Variants in GRID1 observed in about 807,000 individuals in gnomAD.
The protein encoded by GRID1 is glutamate ionotropic receptor delta type subunit 1.
In GRID1, 28 loss-of-function variants were observed where a neutral mutation model predicts 98.0. The observed-to-expected ratio is 0.29, with a 90% CI of 0.21 to 0.39. The LOEUF (loss-of-function observed/expected upper bound fraction) is 0.39, where lower values mean the gene tolerates loss of function less well. Among genes scored for constraint, GRID1 ranks in the 10% least tolerant of loss-of-function variants. The pLI is 1.00. For synonymous variants in GRID1, 553 were observed against 538.5 expected (o/e 1.03, Z -0.37); for missense variants, 1,111 against 1,340.5 (o/e 0.83, Z 2.67).
chr10:85,842,952 AAAAAC>A (rs1842973672), intron 8 of GRID1, among the ~76,000 whole-genome samples: 1 of 151,206 alleles, frequency 6.6e-6, no homozygotes, highest in African/African-American at 2.4e-5. Context: ...AAACAAAAAC[AAAAAC>A]AAAACAAAAA....
At chr10:86,131,091 A>C (rs1333801026) in intron 4 of GRID1, among the ~76,000 whole-genome samples, 1 of 152,208 alleles carries the variant, frequency 6.6e-6, no homozygotes, top group African/African-American at 2.4e-5. Flanking sequence ...CCAGATGTGG[A>C]CTACATGGCA....
chr10:86,144,745 C>G (rs1281758087), intron 3 of GRID1, among the ~76,000 whole-genome samples: 1 of 152,174 alleles, frequency 6.6e-6, no homozygotes, highest in African/African-American at 2.4e-5. Flanking sequence ...CCTTCACACG[C>G]TCCCGGTCAC....
chr10:85,839,434 G>A (rs1842942824), intron 8 of GRID1, among the ~76,000 whole-genome samples: 1 of 152,010 alleles, frequency 6.6e-6, no homozygotes, highest in South Asian at 2.1e-4. Context: ...AATTATAACA[G>A]TCTCTCATAC....
intron 2 of GRID1, among the ~76,000 whole-genome samples, chr10:86,297,465 C>T (rs761023059): frequency 5.3e-5 from 8 of 151,858 alleles, no homozygotes; most frequent in African/African-American, 9.7e-5. Flanking sequence ...AGAAAATAAA[C>T]GGTGGAGAGA....
At chr10:85,837,774 C>T (rs113306221) in intron 8 of GRID1, among the ~76,000 whole-genome samples, 10 of 152,270 alleles carry the variant, frequency 6.6e-5, no homozygotes, top group South Asian at 2.1e-4. Flanking sequence ...ATGACCGCAT[C>T]ATCTCTCCAG....
intron 12 of GRID1, among the ~76,000 whole-genome samples, chr10:85,677,904 G>A (rs929862525): frequency 1.8e-4 from 27 of 152,152 alleles, no homozygotes; most frequent in African/African-American, 6.3e-4. Flanking sequence ...TTCATAGAGT[G>A]TATCTTGAGA....
intron 2 of GRID1, among the ~76,000 whole-genome samples, chr10:86,248,950 C>A (rs1421698607): frequency 5.3e-5 from 8 of 152,190 alleles, no homozygotes; most frequent in Admixed American, 1.3e-4. Flanking sequence ...CGTGCAGGAC[C>A]TAGGAAACAG....
chr10:85,875,725 G>A (rs544516277), intron 5 of GRID1, among the ~76,000 whole-genome samples: 45 of 152,124 alleles, frequency 3.0e-4, no homozygotes, highest in African/African-American at 1.1e-3. Context: ...CTTCTTTAAT[G>A]TTTACTTCCA....
At chr10:86,106,074 G>A (rs974112909) in intron 4 of GRID1, among the ~76,000 whole-genome samples, 3 of 152,208 alleles carry the variant, frequency 2.0e-5, no homozygotes, top group African/African-American at 7.2e-5. Flanking sequence ...GGGACCATGA[G>A]CTCCAGGGTC....
chr10:86,250,802 TG>T (rs1267553519), intron 2 of GRID1, among the ~76,000 whole-genome samples: 1 of 150,692 alleles, frequency 6.6e-6, no homozygotes, highest in Non-Finnish European at 1.5e-5. Context: ...GTCTGGGAGG[TG>T]GGGGGCCCCT....
chr10:85,785,141 C>T (rs1319937329), intron 8 of GRID1, among the ~76,000 whole-genome samples: 5 of 152,222 alleles, frequency 3.3e-5, no homozygotes, highest in African/African-American at 1.2e-4. Context: ...CCCTAGCAAT[C>T]AGGAACACTC....
chr10:85,787,822 G>T (rs985336878), intron 8 of GRID1, among the ~76,000 whole-genome samples: 2 of 152,058 alleles, frequency 1.3e-5, no homozygotes, highest in African/African-American at 4.8e-5. Context: ...ACAGCCAGGG[G>T]CCCCCACACC....
intron 2 of GRID1, among the ~76,000 whole-genome samples, chr10:86,336,039 T>C (rs1468779341): frequency 6.6e-6 from 1 of 152,162 alleles, no homozygotes; most frequent in Non-Finnish European, 1.5e-5. Flanking sequence ...AGGAGTCACA[T>C]GAACATCACA....
chr10:85,602,313 A>G lies in GRID1; in HGVS notation c.2990T>C (p.Leu997Pro). Residue 997 changes from leucine (L) to proline (P), a missense_variant, in exon 16 of 16, where the codon CTT becomes CCT. Around this residue, in one of 3 missense-constraint regions of GRID1, gnomAD observed 762 missense variants for 869.1 expected, o/e 0.88. Transcript: ENST00000327946. ...GTGGGAGGTGTCCAGAGCCTCTGGA[A>G]GGACGCCTCCAGGCACGGGCTGGAA... ...MSFQPVPGGVLPEALDTSHGT... is the reference protein window; with the variant it reads ...MSFQPVPGGVPPEALDTSHGT... The G allele has an allele frequency of 6.5e-7, 1 of 1,546,066 alleles. No homozygotes were observed. The highest frequency in any genetic ancestry group is 1.4e-5 in the African/African-American group (1 of 73,178).
At chr10:85,747,557 T>C (rs1160567042) in intron 8 of GRID1, among the ~76,000 whole-genome samples, 1 of 152,140 alleles carries the variant, frequency 6.6e-6, no homozygotes, top group Non-Finnish European at 1.5e-5. Context: ...CCCCATACTA[T>C]AGAGGTTTCT....
intron 12 of GRID1, among the ~76,000 whole-genome samples, chr10:85,678,823 A>G (rs991393158): frequency 1.3e-5 from 2 of 152,148 alleles, no homozygotes; most frequent in Non-Finnish European, 2.9e-5. Flanking sequence ...TCTCAATAAT[A>G]ATATGCCCTC....
chr10:86,012,782 G>C (rs1842935714), intron 4 of GRID1, among the ~76,000 whole-genome samples: 1 of 152,178 alleles, frequency 6.6e-6, no homozygotes, highest in Non-Finnish European at 1.5e-5. Context: ...GAACCAAGAA[G>C]TAGGCCCTCA....
intron 4 of GRID1, among the ~76,000 whole-genome samples, chr10:86,126,902 G>A (rs150485828): frequency 6.6e-6 from 1 of 152,352 alleles, no homozygotes; most frequent in Non-Finnish European, 1.5e-5. Context: ...CCCACCTGCT[G>A]TCTGCCTTAA....
At chr10:86,081,832 A>G (rs1425444275) in intron 4 of GRID1, among the ~76,000 whole-genome samples, 1 of 152,230 alleles carries the variant, frequency 6.6e-6, no homozygotes, top group African/African-American at 2.4e-5. Context: ...TAGAGAGAGT[A>G]AAAGAATCAG....
Sources: allele counts gnomAD v4.1 joint callset (sites outside exome capture counted in the v4.1 genomes callset), GRCh38; gene constraint gnomAD v4.1.1; regional missense constraint gnomAD v4.1.1; transcripts MANE v1.5; gene names NCBI Gene and HGNC (gene_info 2026-07-23, HGNC 2026-07-21).